TRHDE: variants seen among roughly 807,000 people sequenced by gnomAD.
The protein encoded by TRHDE is thyrotropin releasing hormone degrading enzyme.
TRHDE carries 72 observed loss-of-function variants against 125.7 expected under a neutral mutation model. The ratio of observed to expected loss-of-function variants is 0.57; its 90% confidence interval spans 0.47 to 0.70. TRHDE has a LOEUF of 0.70. Ranked by LOEUF, TRHDE falls within the 30% of genes least tolerant of loss-of-function variation. TRHDE has a pLI of 0.00. For missense variants in TRHDE, 1,110 were observed against 1,327.1 expected (o/e 0.84, Z 2.54); for synonymous variants, 509 against 509.1 (o/e 1.00, Z 0.00).
At chr12:72,198,420 A>C (rs1877487130) in intron 2 of TRHDE, among the ~76,000 whole-genome samples, 1 of 152,132 alleles carries the variant, frequency 6.6e-6, no homozygotes, top group South Asian at 2.1e-4. Context: ...TATATTGTTC[A>C]CTTCTGTAAT....
chr12:72,254,009 T>C (rs1192544760), intron 2 of TRHDE: 1 of 152,144 alleles, frequency 6.6e-6, no homozygotes, highest in African/African-American at 2.4e-5. Flanking sequence ...GAATTAAGTA[T>C]GAATTCTTAA....
intron 9 of TRHDE, among the ~76,000 whole-genome samples, chr12:72,566,495 T>A (rs1334051104): frequency 1.3e-5 from 2 of 151,496 alleles, no homozygotes; most frequent in African/African-American, 4.9e-5. Context: ...TTGACATGCA[T>A]GTATTTATGT....
chr12:72,611,738 A>G (rs1394414514), intron 12 of TRHDE, among the ~76,000 whole-genome samples: 2 of 152,216 alleles, frequency 1.3e-5, no homozygotes, highest in Non-Finnish European at 2.9e-5. Flanking sequence ...TTGACTGTGT[A>G]AGAGTTCTTT....
At chr12:72,420,279 G>T (rs999662822) in intron 3 of TRHDE, among the ~76,000 whole-genome samples, 5 of 152,080 alleles carry the variant, frequency 3.3e-5, no homozygotes, top group Non-Finnish European at 7.4e-5. Context: ...GGGAACTTTG[G>T]CCTTGTTTTG....
intron 2 of TRHDE, among the ~76,000 whole-genome samples, chr12:72,376,450 T>C (rs1362470317): frequency 6.6e-6 from 1 of 152,210 alleles, no homozygotes; most frequent in Non-Finnish European, 1.5e-5. Flanking sequence ...CAAGTTCTGC[T>C]GTTGCAGGTA....
rs79268988 is a variant in TRHDE at position 72,413,611 on chromosome 12, C to T, written c.1315+35490C>T. 8.4e-3 allele frequency among the ~76,000 whole-genome samples: 1,282 copies of T among 151,844 alleles called. 12 individuals carry two copies. The highest frequency in any genetic ancestry group is 0.03 in the African/African-American group (1,227 of 41,430). On this transcript the variant is annotated intron_variant, in intron 3 of 18. Transcript: ENST00000261180. ...TTTATTTCTGAAAGATAATGTCAATCGAGCCTATTTTATAGATAAAAACGA... is the reference window on the plus strand; with the variant it reads ...TTTATTTCTGAAAGATAATGTCAATTGAGCCTATTTTATAGATAAAAACGA...
chr12:72,480,935 CCTT>C (rs939978747), intron 5 of TRHDE, among the ~76,000 whole-genome samples: 2 of 152,020 alleles, frequency 1.3e-5, no homozygotes, highest in African/African-American at 4.8e-5. Context: ...TTTTATCTCT[CCTT>C]CTCACCACTC....
At chr12:72,656,876 T>G (rs1271043574) in intron 17 of TRHDE, 51 bp from the exon 18 acceptor site, 1 of 1,253,772 alleles carries the variant, frequency 8.0e-7, no homozygotes, top group South Asian at 1.3e-5. Context: ...ATAGTAATAT[T>G]TTTTAAAATT....
intron 3 of TRHDE, among the ~76,000 whole-genome samples, chr12:72,440,568 C>G (rs1874958538): frequency 6.6e-6 from 1 of 151,754 alleles, no homozygotes; most frequent in Non-Finnish European, 1.5e-5. Context: ...AATGCTAGCA[C>G]ATATATTGAC....
chr12:72,315,400 A>G (rs1868749912), intron 2 of TRHDE, among the ~76,000 whole-genome samples: 1 of 152,182 alleles, frequency 6.6e-6, no homozygotes. Flanking sequence ...TTGTAAGTCC[A>G]TATATACTTT....
At chr12:72,556,256 AC>A (rs1869916966) in intron 7 of TRHDE, among the ~76,000 whole-genome samples, 1 of 152,214 alleles carries the variant, frequency 6.6e-6, no homozygotes, top group Non-Finnish European at 1.5e-5. Context: ...ATTTTGCTTA[AC>A]CCATTAGGGT....
At chr12:72,410,930 C>T (rs778057513) in intron 3 of TRHDE, among the ~76,000 whole-genome samples, 6 of 151,520 alleles carry the variant, frequency 4.0e-5, no homozygotes, top group Non-Finnish European at 4.4e-5. Flanking sequence ...CGGTGGCTCA[C>T]GCCTGTAATC....
chr12:72,562,900 T>C lies in TRHDE; in HGVS notation c.1902T>C (p.Asp634=). 1 of 1,605,212 alleles carries C rather than the reference T, an allele frequency of 6.2e-7. No homozygotes were observed. The highest frequency in any genetic ancestry group is 1.1e-5 in the South Asian group (1 of 88,874). Residue 634 remains aspartate, a synonymous_variant, in exon 9 of 19, where the codon GAT becomes GAC. Coordinates refer to ENST00000261180, the MANE Select transcript of TRHDE (RefSeq NM_013381.3). ...GKYVNIQEVM[D]QWTLQMGYPV... ...ATGTAAATATACAAGAAGTAATGGA[T>C]CAGTGGACACTCCAGATGGGTTATC...
chr12:72,626,324 T>A (rs1476355390), intron 15 of TRHDE, among the ~76,000 whole-genome samples: 1 of 151,880 alleles, frequency 6.6e-6, no homozygotes, highest in Non-Finnish European at 1.5e-5. Flanking sequence ...TATATAATAC[T>A]TAACCTTTGC....
intron 17 of TRHDE, among the ~76,000 whole-genome samples, chr12:72,654,870 T>C (rs1874645167): frequency 1.3e-5 from 2 of 152,116 alleles, no homozygotes; most frequent in African/African-American, 4.8e-5. Flanking sequence ...GCCTCTATAA[T>C]TATATAAACA....
chr12:72,101,301 G>A (rs1329530345), intron 1 of TRHDE, among the ~76,000 whole-genome samples: 1 of 152,118 alleles, frequency 6.6e-6, no homozygotes, highest in Non-Finnish European at 1.5e-5. Context: ...ATATAGGTGG[G>A]GTGATTATAT....
intron 3 of TRHDE, among the ~76,000 whole-genome samples, chr12:72,443,662 T>C (rs1028628135): frequency 3.3e-5 from 5 of 151,792 alleles, no homozygotes; most frequent in African/African-American, 1.2e-4. Flanking sequence ...TTTTATATTA[T>C]AATGTATTGT....
intron 3 of TRHDE, among the ~76,000 whole-genome samples, chr12:72,412,531 C>T (rs1047230020): frequency 6.6e-6 from 1 of 151,970 alleles, no homozygotes; most frequent in Non-Finnish European, 1.5e-5. Context: ...ATGGGCCTGT[C>T]CTATGATCCA....
intron 6 of TRHDE, among the ~76,000 whole-genome samples, chr12:72,528,587 C>T (rs1192010282): frequency 1.3e-5 from 2 of 152,094 alleles, no homozygotes; most frequent in African/African-American, 4.8e-5. Flanking sequence ...CTGCCGGGTT[C>T]AAGTAATTCT....
Sources: allele counts gnomAD v4.1 joint callset (sites outside exome capture counted in the v4.1 genomes callset), GRCh38; gene constraint gnomAD v4.1.1; transcripts MANE v1.5; gene names NCBI Gene and HGNC (gene_info 2026-07-23, HGNC 2026-07-21).